The following SDK2 variants were observed in gnomAD, a reference collection of about 807,000 sequenced individuals.
SDK2 encodes sidekick cell adhesion molecule 2.
A neutral mutation model predicts 253.9 loss-of-function variants in SDK2; 105 were observed. The ratio of observed to expected loss-of-function variants is 0.41; its 90% CI spans 0.35 to 0.49. The LOEUF (loss-of-function observed/expected upper bound fraction) is 0.49. Among genes scored for constraint, SDK2 ranks in the 20% least tolerant of loss-of-function variants. The pLI is 0.06. For missense variants in SDK2, 2,608 were observed against 3,003.0 expected, an observed-to-expected ratio of 0.87 and a Z score of 3.07; for synonymous variants, 1,249 against 1,234.9, an observed-to-expected ratio of 1.01 and a Z score of -0.24.
intron 1 of SDK2, among the ~76,000 whole-genome samples, chr17:73,535,140 C>A (rs913661092): frequency 6.6e-6 from 1 of 152,234 alleles, no homozygotes; most frequent in African/African-American, 2.4e-5. Flanking sequence ...GGCCTCGACG[C>A]CAAGCCTCAT....
chr17:73,403,968 T>A (rs1016280337), intron 18 of SDK2, among the ~76,000 whole-genome samples: 2 of 152,230 alleles, frequency 1.3e-5, no homozygotes, highest in Non-Finnish European at 2.9e-5. Flanking sequence ...TGTGGTGTGT[T>A]CCCCAGCAAG....
At chr17:73,413,283 T>A (rs567238289) in intron 18 of SDK2, among the ~76,000 whole-genome samples, 1 of 151,762 alleles carries the variant, frequency 6.6e-6, no homozygotes, top group Non-Finnish European at 1.5e-5. Context: ...TGATGATCTG[T>A]CACTGTCTCC....
intron 1 of SDK2, among the ~76,000 whole-genome samples, chr17:73,548,821 T>G (rs6501649): frequency 0.18 from 27,728 of 152,272 alleles, 2,765 homozygotes; most frequent in African/African-American, 0.26. Flanking sequence ...ACACTTAAGC[T>G]TGCTGCTATC....
intron 18 of SDK2, among the ~76,000 whole-genome samples, chr17:73,412,069 C>T (rs113135345): frequency 6.5e-3 from 52 of 8,004 alleles, no homozygotes; most frequent in Non-Finnish European, 0.02. Context: ...TGTATATATA[C>T]GTATATATGT....
In SDK2 at chr17:73,412,020, GTATATGTATATATA is replaced by G. The variant is rs1568389190; in HGVS notation, c.2484+2610_2484+2623del. On this transcript the variant is annotated intron_variant, in intron 18 of 44. Transcript: ENST00000392650. ...TACACACATATATATGTAGATATAC[GTATATGTATATATA>G]CGTATATATATGTATATACGTATAT... Among the ~76,000 whole-genome samples the G allele has an allele frequency of 7.2e-3, 358 of 49,628 alleles. 1 individual carries two copies. Among genetic ancestry groups the G allele is most frequent in the Non-Finnish European group, 0.01 (267 of 26,112 alleles). 32.6% of individuals were successfully genotyped at this position (49,628 alleles called of 152,430 possible). A position where few individuals can be genotyped will look rare whatever the true frequency, so the allele number is the denominator to read the frequency against.
chr17:73,439,800 A>G (rs1346555137), intron 6 of SDK2, among the ~76,000 whole-genome samples: 1 of 152,200 alleles, frequency 6.6e-6, no homozygotes, highest in Non-Finnish European at 1.5e-5. Flanking sequence ...CAGTGAGTAC[A>G]GGCCTGGGGG....
At chr17:73,630,875 A>C (rs1210808803) in intron 1 of SDK2, among the ~76,000 whole-genome samples, 1 of 149,530 alleles carries the variant, frequency 6.7e-6, no homozygotes, top group Admixed American at 6.7e-5. Flanking sequence ...CCCTCAGCAC[A>C]CCGCCCCTCC....
intron 1 of SDK2, among the ~76,000 whole-genome samples, chr17:73,627,711 A>G (rs1332227279): frequency 6.6e-6 from 1 of 152,160 alleles, no homozygotes; most frequent in Non-Finnish European, 1.5e-5. Flanking sequence ...ACATCAGACA[A>G]TCTTCCCACC....
At chr17:73,376,416 G>A (rs996833253) in intron 36 of SDK2, among the ~76,000 whole-genome samples, 19 of 152,176 alleles carry the variant, frequency 1.2e-4, no homozygotes, top group African/African-American at 3.9e-4. Context: ...TGCCTGCCAC[G>A]CACCAGTTGG....
Position 73,507,496 on chromosome 17 carries a change from G to A in SDK2, c.166C>T (p.Leu56=). Residue 56 remains leucine (L), a synonymous_variant, in exon 2 of 45, where the codon CTG becomes TTG. Transcript: ENST00000392650. ...TTGTTGTGGAGCCACTTGAACTCCA[G>A]TGGCCAGCTGCCCTCGGCCATGCAT... is the stretch of plus-strand genomic sequence containing the variant. ...LTCMAEGSWP[L]EFKWLHNNRE... is the part of the protein sequence containing the mutation. 6.4e-7 allele frequency: 1 copy of A among 1,551,610 alleles called. No homozygotes were observed. Among genetic ancestry groups the A allele is most frequent in the Non-Finnish European group, 8.7e-7 (1 of 1,146,950 alleles).
intron 1 of SDK2, among the ~76,000 whole-genome samples, chr17:73,580,593 G>A (rs1190338395): frequency 6.6e-6 from 1 of 152,238 alleles, no homozygotes; most frequent in Non-Finnish European, 1.5e-5. Flanking sequence ...ATGTTTTGCT[G>A]TTGCCATCTT....
At chr17:73,376,595 G>A (rs1415770047) in intron 36 of SDK2, among the ~76,000 whole-genome samples, 10 of 152,132 alleles carry the variant, frequency 6.6e-5, no homozygotes, top group Non-Finnish European at 1.0e-4. Flanking sequence ...TACGGGTCAT[G>A]TTTTCTGGAG....
At position 73,386,910 on chromosome 17, in the gene SDK2, C is replaced by T. The variant is rs75205830; in HGVS notation, c.4395-362G>A. On this transcript the variant is annotated intron_variant, in intron 30 of 44. Transcript: ENST00000392650. ...ACCTCCACTCGGAACAAACTCCTCCCCTGCCCCCAACAAACTGCCATCTCT... is the reference window on the plus strand; with the variant it reads ...ACCTCCACTCGGAACAAACTCCTCCTCTGCCCCCAACAAACTGCCATCTCT... Among the ~76,000 whole-genome samples the T allele has an allele frequency of 2.2e-3, 330 of 152,332 alleles. 5 individuals carry two copies. The highest frequency in any genetic ancestry group is 7.7e-3 in the African/African-American group (322 of 41,576).
chr17:73,351,489 T>A (rs1452605090), intron 41 of SDK2, among the ~76,000 whole-genome samples: 3 of 152,138 alleles, frequency 2.0e-5, no homozygotes, highest in African/African-American at 7.2e-5. Flanking sequence ...AAGGTGCTTC[T>A]CTGGCCTGCA....
At chr17:73,604,516 C>T (rs1323719039) in intron 1 of SDK2, among the ~76,000 whole-genome samples, 1 of 152,244 alleles carries the variant, frequency 6.6e-6, no homozygotes, top group East Asian at 1.9e-4. Context: ...CAAACAGTTG[C>T]TCTGGGATCT....
chr17:73,517,565 A>G (rs2064039317), intron 1 of SDK2: 1 of 152,226 alleles, frequency 6.6e-6, no homozygotes, highest in East Asian at 1.9e-4. Context: ...TCTCCCGTTG[A>G]GCCTGCAGAA....
chr17:73,457,225 TC>T lies in SDK2; in HGVS notation c.332-1173del, dbSNP rs2063531932. On this transcript the variant is annotated intron_variant, in intron 3 of 44. Coordinates refer to ENST00000392650, the MANE Select transcript of SDK2 (RefSeq NM_001144952.2). ...CACATCATTCCATTTTCTTTTCTCTTCCTTCCTTCCTTCCTTCCTTCCTTCC... is the reference window on the plus strand; with the variant it reads ...CACATCATTCCATTTTCTTTTCTCTTCTTCCTTCCTTCCTTCCTTCCTTCC... Among the ~76,000 whole-genome samples, 3 of 3,676 alleles carry T rather than the reference TC, an allele frequency of 8.2e-4. No individual in the cohort carries two copies. In the Admixed American group the frequency reaches 0.012, roughly 15 times the overall value. The allele number at this position is 3,676 out of a possible 152,430, so 2.4% of individuals were successfully genotyped here. A position where few individuals can be genotyped will look rare whatever the true frequency, so the allele number is the denominator to read the frequency against.
chr17:73,433,808 C>T lies in SDK2; in HGVS notation c.1236G>A (p.Thr412=), dbSNP rs756896774. Residue 412 remains threonine (T), a synonymous_variant, in exon 10 of 45, where the codon ACG becomes ACA. Transcript: ENST00000392650. ...GCACCACTGACATGCCATCGATCAC[C>T]GTGCTGTCCAGGGGGCCTCTGGTGA... The part of the protein sequence containing the change: ...PNITRGPLDS[T]VIDGMSVVLA... 1.1e-5 allele frequency: 17 copies of T among 1,600,082 alleles called. No individual in the cohort carries two copies. Among genetic ancestry groups the T allele is most frequent in the South Asian group, 4.6e-5 (4 of 87,848 alleles).
Position 73,514,396 on chromosome 17 carries a change from A to G in SDK2, c.65-6799T>C, listed in dbSNP as rs540616736. The stretch of plus-strand genomic sequence containing the variant: ...TCCAGGCTAAATGGCCCCATACAGA[A>G]GCCAATCTCAACTTCAACTTTTCCC... On this transcript the variant is annotated intron_variant, in intron 1 of 44. Coordinates refer to ENST00000392650, the MANE Select transcript of SDK2 (RefSeq NM_001144952.2). Among the ~76,000 whole-genome samples the G allele has an allele frequency of 5.9e-5, 9 of 152,278 alleles. No homozygotes were observed. The East Asian group carries it at 1.7e-3, about 29-fold the overall frequency.
Sources: gnomAD v4.1 joint callset for allele counts (sites outside exome capture counted in the v4.1 genomes callset) on GRCh38, gnomAD v4.1.1 for gene constraint, MANE v1.5 for transcripts, NCBI Gene and HGNC (gene_info 2026-07-23, HGNC 2026-07-21) for gene names.